The following PAX8 variants were observed in gnomAD, a reference collection of about 807,000 sequenced individuals.
The protein encoded by PAX8 is paired box 8, also known as paired box protein Pax-8.
A neutral mutation model predicts 52.4 loss-of-function variants in PAX8; 15 were observed. The observed-to-expected ratio is 0.29, with a 90% CI of 0.19 to 0.44. The LOEUF is 0.44. Ranked by LOEUF, PAX8 falls within the 20% of genes least tolerant of loss-of-function variation. The pLI, the probability that PAX8 is intolerant of heterozygous loss-of-function variation, is 1.00. For missense variants in PAX8, 554 were observed against 602.5 expected (o/e 0.92, Z 0.84); for synonymous variants, 284 against 249.7 (o/e 1.14, Z -1.29).
intron 10 of PAX8, among the ~76,000 whole-genome samples, chr2:113,223,544 T>C (rs1689380472): frequency 6.6e-6 from 1 of 152,216 alleles, no homozygotes; most frequent in Non-Finnish European, 1.5e-5. Context: ...CATGCTAAAC[T>C]AGTTCCTGCC....
intron 2 of PAX8, chr2:113,271,611 C>T (rs111277224): frequency 2.0e-5 from 3 of 150,912 alleles, no homozygotes; most frequent in African/African-American, 4.9e-5. Context: ...AGCTGATAGA[C>T]GGAAGGCTCT....
At chr2:113,229,583 G>T (rs1054103668) in intron 9 of PAX8, among the ~76,000 whole-genome samples, 44 of 152,238 alleles carry the variant, frequency 2.9e-4, no homozygotes, top group Admixed American at 2.7e-3. Flanking sequence ...CTACAGGTGT[G>T]TTCAGTTTAC....
At chr2:113,249,514 C>T (rs1691595703) in intron 2 of PAX8, among the ~76,000 whole-genome samples, 1 of 152,126 alleles carries the variant, frequency 6.6e-6, no homozygotes, top group Non-Finnish European at 1.5e-5. Flanking sequence ...AGGTTCTTCA[C>T]CTCTACAAAT....
At chr2:113,235,360 A>T in intron 9 of PAX8, 34 bp downstream of exon 9, 1 of 1,538,438 alleles carries the variant, frequency 6.5e-7, no homozygotes. Context: ...ACCCGCCGCC[A>T]TAGCTGCATG....
At chr2:113,277,530 T>C (rs182525496) in intron 2 of PAX8, among the ~76,000 whole-genome samples, 1 of 152,288 alleles carries the variant, frequency 6.6e-6, no homozygotes, top group Admixed American at 6.5e-5. Context: ...AATCGCCTTC[T>C]CTGCGGCCGG....
chr2:113,264,628 T>A (rs1692930090), intron 2 of PAX8, among the ~76,000 whole-genome samples: 1 of 152,202 alleles, frequency 6.6e-6, no homozygotes, highest in Non-Finnish European at 1.5e-5. Context: ...CTGGAAGGGT[T>A]CTTGTTCTTT....
intron 2 of PAX8, among the ~76,000 whole-genome samples, chr2:113,256,219 G>A (rs576404184): frequency 6.6e-6 from 1 of 152,298 alleles, no homozygotes; most frequent in East Asian, 1.9e-4. Context: ...AGAGCACAAA[G>A]GAAACACTGA....
intron 10 of PAX8, among the ~76,000 whole-genome samples, chr2:113,222,728 C>G (rs1297811850): frequency 6.6e-6 from 1 of 152,132 alleles, no homozygotes; most frequent in African/African-American, 2.4e-5. Context: ...CTCTAGCTAC[C>G]AGTGCCTTTC....
At chr2:113,278,327 G>A (rs772860928) in intron 2 of PAX8, 43 bp downstream of exon 2, 2 of 1,463,476 alleles carry the variant, frequency 1.4e-6, no homozygotes, top group Non-Finnish European at 1.9e-6. Context: ...CGGACGCTCA[G>A]CGGCGCGGGG....
chr2:113,276,500 C>G (rs927608778), intron 2 of PAX8: 1 of 152,186 alleles, frequency 6.6e-6, no homozygotes. Flanking sequence ...AAAACCCAAG[C>G]GCGATTTGCA....
At chr2:113,229,391 C>T (rs1029002902) in intron 9 of PAX8, among the ~76,000 whole-genome samples, 1 of 152,258 alleles carries the variant, frequency 6.6e-6, no homozygotes, top group African/African-American at 2.4e-5. Flanking sequence ...ACAATGGACA[C>T]ATTCTAGAAA....
At chr2:113,277,931 T>C (rs1437804785) in intron 2 of PAX8, among the ~76,000 whole-genome samples, 1 of 151,574 alleles carries the variant, frequency 6.6e-6, no homozygotes, top group African/African-American at 2.4e-5. Flanking sequence ...GAGCTCACAG[T>C]CCAGCCAGGG....
chr2:113,243,252 A>T (rs1691021242), intron 4 of PAX8, among the ~76,000 whole-genome samples: 1 of 152,208 alleles, frequency 6.6e-6, no homozygotes, highest in African/African-American at 2.4e-5. Flanking sequence ...AAAATCTGCC[A>T]AGGGTTTCCC....
chr2:113,219,599 T>C (rs1356378296), intron 11 of PAX8, among the ~76,000 whole-genome samples: 1 of 152,134 alleles, frequency 6.6e-6, no homozygotes, highest in African/African-American at 2.4e-5. Context: ...TGTTTAAGGG[T>C]TTGGTGCTGA....
chr2:113,269,305 G>C (rs7560701), intron 2 of PAX8: 81,323 of 152,094 alleles, frequency 0.53, 22,325 homozygotes, highest in African/African-American at 0.66. Context: ...GGAGCAGACT[G>C]GAGAAAGCCA....
chr2:113,236,889 T>A, intron 7 of PAX8, 168 bp from the exon 8 acceptor site: 1 of 757,164 alleles, frequency 1.3e-6, no homozygotes, highest in Non-Finnish European at 2.0e-6. Flanking sequence ...GTTTCGTTCA[T>A]GCTCATTGTC....
At chr2:113,252,968 T>C (rs1229920737) in intron 2 of PAX8, among the ~76,000 whole-genome samples, 1 of 152,226 alleles carries the variant, frequency 6.6e-6, no homozygotes, top group Non-Finnish European at 1.5e-5. Context: ...AAAGCAGCTA[T>C]ACTTGCAGCC....
chr2:113,272,856 T>C (rs1693556555), intron 2 of PAX8: 1 of 152,170 alleles, frequency 6.6e-6, no homozygotes, highest in Non-Finnish European at 1.5e-5. Context: ...TCTTAGAGGG[T>C]GTTTTCAATA....
At chr2:113,262,779 T>G (rs1319784609) in intron 2 of PAX8, among the ~76,000 whole-genome samples, 1 of 152,182 alleles carries the variant, frequency 6.6e-6, no homozygotes. Context: ...TGCCAAAGAC[T>G]TCTAGCAAAC....
Sources: allele counts gnomAD v4.1 joint callset (sites outside exome capture counted in the v4.1 genomes callset), GRCh38; gene constraint gnomAD v4.1.1; transcripts MANE v1.5; gene names NCBI Gene and HGNC (gene_info 2026-07-23, HGNC 2026-07-21).